GRIN1: variants seen among roughly 807,000 people sequenced by gnomAD.
GRIN1 encodes the protein glutamate ionotropic receptor NMDA type subunit 1, also known as glutamate receptor ionotropic, NMDA 1.
A neutral mutation model predicts 103.0 loss-of-function variants in GRIN1; 38 were observed. That is an observed-to-expected ratio of 0.37 (90% confidence interval 0.28 to 0.48). GRIN1 has a LOEUF of 0.48. GRIN1 is among the 20% of genes least tolerant of loss of function. The pLI is 0.98. For synonymous variants in GRIN1, 544 were observed against 532.7 expected, an observed-to-expected ratio of 1.02 and a Z score of -0.29; for missense variants, 577 against 1,288.9, an observed-to-expected ratio of 0.45 and a Z score of 8.46.
chr9:137,153,701 G>A (rs560860982), intron 4 of GRIN1, among the ~76,000 whole-genome samples: 99 of 151,944 alleles, frequency 6.5e-4, no homozygotes, highest in African/African-American at 2.1e-3. Flanking sequence ...ACACACATGC[G>A]CACCACACAC....
At position 137,145,707 on chromosome 9, in the gene GRIN1, G is replaced by A. The variant is rs371244693; in HGVS notation, c.394-19G>A. 1.3e-4 allele frequency: 210 copies of A among 1,609,188 alleles called. 1 individual carries two copies. The South Asian group carries it at 1.4e-3, about 11-fold the overall frequency. On this transcript the variant is annotated intron_variant, in intron 2 of 19. Coordinates refer to ENST00000371561, the MANE Select transcript of GRIN1 (RefSeq NM_007327.4). ...CCCCGCGGGTCCACCTCAGCCCGCC[G>A]TGCCCCCGCCTCCCGCAGAGCATCC...
intron 4 of GRIN1, among the ~76,000 whole-genome samples, chr9:137,150,393 G>GA (rs1832774422): frequency 1.4e-5 from 2 of 147,664 alleles, no homozygotes; most frequent in African/African-American, 2.5e-5. Context: ...GCCCCGCCCA[G>GA]AAAAAAGGTC....
intron 2 of GRIN1, among the ~76,000 whole-genome samples, chr9:137,144,403 C>T (rs1184033370): frequency 1.3e-5 from 2 of 150,176 alleles, no homozygotes; most frequent in East Asian, 4.0e-4. Context: ...GCCTGTAATC[C>T]CAGCACTTTG....
Position 137,162,999 on chromosome 9 carries a change from G to A in GRIN1, c.2167G>A (p.Asp723Asn). ...GGCGGAGGCCATCCAGGCCGTGAGA[G>A]ACAAGTGAGGCGCGGGCGGCCACCC... The part of the protein sequence containing the change: ...SAAEAIQAVR[D>N]NKLHAFIWDS... Residue 723 changes from aspartate (D) to asparagine (N), a missense_variant, in exon 15 of 20, where the codon GAC becomes AAC. Coordinates refer to ENST00000371561, the MANE Select transcript of GRIN1 (RefSeq NM_007327.4). 1 of 1,594,248 alleles carries A rather than the reference G, an allele frequency of 6.3e-7. No individual in the cohort carries two copies. The highest frequency in any genetic ancestry group is 8.5e-7 in the Non-Finnish European group (1 of 1,172,374).
chr9:137,158,271 G>A (rs778912747), intron 6 of GRIN1, 108 bp from the exon 7 acceptor site: 28 of 1,243,240 alleles, frequency 2.3e-5, no homozygotes, highest in Non-Finnish European at 3.3e-5. Flanking sequence ...GAAGGAGCAG[G>A]GAGAAGGAGC....
At chr9:137,153,802 C>T (rs1334686177) in intron 4 of GRIN1, among the ~76,000 whole-genome samples, 1 of 152,142 alleles carries the variant, frequency 6.6e-6, no homozygotes, top group Non-Finnish European at 1.5e-5. Flanking sequence ...CACACACCCG[C>T]CAACATAACT....
In GRIN1 at chr9:137,146,317, C is replaced by T. The variant is rs548840592; in HGVS notation, c.570+415C>T. Among the ~76,000 whole-genome samples the T allele has an allele frequency of 2.6e-5, 4 of 151,958 alleles. No homozygotes were observed. The South Asian group carries it at 6.2e-4, about 24-fold the overall frequency. On this transcript the variant is annotated intron_variant, in intron 3 of 19. Coordinates refer to ENST00000371561, the MANE Select transcript of GRIN1 (RefSeq NM_007327.4). The surrounding 1 kb of genome is among the most constrained non-coding windows in gnomAD (Gnocchi z 6.7). ...TCCCCTGTACACGACCCCCACATAC[C>T]GCCCCTGCAGGCCTGTCCCCTCCTG...
intron 18 of GRIN1, 105 bp from the exon 19 acceptor site, chr9:137,165,081 G>A: frequency 2.4e-6 from 2 of 840,230 alleles, no homozygotes; most frequent in East Asian, 4.8e-5. Flanking sequence ...CAGGAGCGAG[G>A]GCCCAAGTGG....
rs1266549466 is a variant in GRIN1, at chr9:137,146,396, T to C, written c.570+494T>C. Among the ~76,000 whole-genome samples the C allele has an allele frequency of 6.7e-6, 1 of 149,892 alleles. No homozygotes were observed. The highest frequency in any genetic ancestry group is 6.6e-5 in the Admixed American group (1 of 15,120). On this transcript the variant is annotated intron_variant, in intron 3 of 19. Transcript: ENST00000371561. This position sits in a 1 kb window ranked among gnomAD's most constrained non-coding sequence, Gnocchi z 6.7. ...GTGGCCTCCCCTGAAGCTCTGCACC[T>C]CATGGCTCAGCAAAGCCCTGTCCAC...
At position 137,157,848 on chromosome 9, in the gene GRIN1, G is replaced by A. The variant is rs115196423; in HGVS notation, c.969-531G>A. On this transcript the variant is annotated intron_variant, in intron 6 of 19. Coordinates refer to ENST00000371561, the MANE Select transcript of GRIN1 (RefSeq NM_007327.4). ...GAACCATGTGTGCACACAGACTCAG[G>A]CACATGACACACATGTGACACAAGC... Among the ~76,000 whole-genome samples the A allele has an allele frequency of 7.2e-3, 1,100 of 152,286 alleles. 14 individuals carry two copies. Among genetic ancestry groups the A allele is most frequent in the African/African-American group, 0.025 (1,050 of 41,552 alleles).
intron 1 of GRIN1, among the ~76,000 whole-genome samples, chr9:137,140,307 G>C (rs919139776): frequency 2.0e-5 from 3 of 152,174 alleles, no homozygotes; most frequent in Non-Finnish European, 4.4e-5. Context: ...CCAGCGCTGC[G>C]GGGGAGGACG....
At chr9:137,157,457 G>A (rs117128545) in intron 6 of GRIN1, among the ~76,000 whole-genome samples, 2,311 of 152,202 alleles carry the variant, frequency 0.015, 19 homozygotes, top group Non-Finnish European at 0.022. Flanking sequence ...CACTGCCTCC[G>A]CCCCTACTTT....
intron 4 of GRIN1, among the ~76,000 whole-genome samples, chr9:137,150,198 C>T (rs1326914643): frequency 6.6e-6 from 1 of 152,224 alleles, no homozygotes; most frequent in Non-Finnish European, 1.5e-5. Context: ...ACTCATCCAA[C>T]TGCAAGCCCC....
At chr9:137,149,442 A>AAGGCCCAGGCCTGGGGCCAGGGACT (rs911739734) in intron 4 of GRIN1, among the ~76,000 whole-genome samples, 3 of 152,354 alleles carry the variant, frequency 2.0e-5, no homozygotes, top group African/African-American at 4.8e-5. Flanking sequence ...CTGTGCAAAC[A>AAGGCCCAGGCCTGGGGCCAGGGACT]AGGCCCAGGC....
chr9:137,139,897 A>C lies in GRIN1; in HGVS notation c.258+153A>C, dbSNP rs1832071407. Among the ~76,000 whole-genome samples the C allele has an allele frequency of 6.6e-6, 1 of 152,104 alleles. No individual in the cohort carries two copies. The highest frequency in any genetic ancestry group is 1.5e-5 in the Non-Finnish European group (1 of 68,018). ...TGCTTCCGGGAGGCCTCGTCTCACT[A>C]GGAACCAAACACCAGGGTCTGCTGG... On this transcript the variant is annotated intron_variant, in intron 1 of 19. Coordinates refer to ENST00000371561, the MANE Select transcript of GRIN1 (RefSeq NM_007327.4). This position sits in a 1 kb window ranked among gnomAD's most constrained non-coding sequence, Gnocchi z 7.7.
In GRIN1 at chr9:137,158,695, C is replaced by G. The variant is rs1833369440; in HGVS notation, c.1188C>G (p.Thr396=). 1.2e-6 allele frequency: 2 copies of G among 1,612,264 alleles called. No individual in the cohort carries two copies. The highest frequency in any genetic ancestry group is 1.7e-5 in the Admixed American group (1 of 59,996). Residue 396 remains threonine, a synonymous_variant, in exon 8 of 20, where the codon ACC becomes ACG. Coordinates refer to ENST00000371561, the MANE Select transcript of GRIN1 (RefSeq NM_007327.4). ...AGCCTCGAGGGTACCAGATGTCCAC[C>G]AGACTGAAGGTGGGGGCCCCACAGA... ...TEKPRGYQMS[T]RLKIVTIHQE... is the part of the protein sequence containing the mutation.
intron 4 of GRIN1, among the ~76,000 whole-genome samples, chr9:137,155,845 G>A (rs1248434093): frequency 6.6e-6 from 1 of 152,250 alleles, no homozygotes; most frequent in East Asian, 1.9e-4. Context: ...GGTGAGGCCT[G>A]TCTGGGCTCT....
chr9:137,142,921 G>A (rs1406280214), intron 2 of GRIN1, among the ~76,000 whole-genome samples: 1 of 152,220 alleles, frequency 6.6e-6, no homozygotes, highest in East Asian at 1.9e-4. Flanking sequence ...TCCAATCCTG[G>A]AACATCAGCT....
chr9:137,144,416 A>T (rs952372871), intron 2 of GRIN1, among the ~76,000 whole-genome samples: 17 of 151,458 alleles, frequency 1.1e-4, no homozygotes, highest in Non-Finnish European at 2.4e-4. Context: ...GCACTTTGGG[A>T]GGCCGAGGCG....
Sources: gnomAD v4.1 joint callset for allele counts (sites outside exome capture counted in the v4.1 genomes callset) on GRCh38, gnomAD v4.1.1 for gene constraint, Gnocchi (gnomAD v3.1) non-coding constraint, MANE v1.5 for transcripts, NCBI Gene and HGNC (gene_info 2026-07-23, HGNC 2026-07-21) for gene names.